Variants in HDAC9 observed in about 807,000 individuals in gnomAD.
The protein encoded by HDAC9 is MEF-2 interacting transcription repressor (MITR) protein.
Under a neutral mutation model 139.4 loss-of-function variants are expected in HDAC9, and 41 were observed. The ratio of observed to expected loss-of-function variants is 0.29; its 90% CI spans 0.23 to 0.38. The LOEUF (loss-of-function observed/expected upper bound fraction) is 0.38, where lower values mean the gene tolerates loss of function less well. Among genes scored for constraint, HDAC9 ranks in the 10% least tolerant of loss-of-function variants. HDAC9 has a pLI of 1.00. For missense variants in HDAC9, 1,147 were observed against 1,297.0 expected, an observed-to-expected ratio of 0.88 and a Z score of 1.78; for synonymous variants, 517 against 476.2, an observed-to-expected ratio of 1.09 and a Z score of -1.12.
intron 2 of HDAC9, among the ~76,000 whole-genome samples, chr7:18,246,547 A>G (rs1365299414): frequency 6.6e-6 from 1 of 151,960 alleles, no homozygotes; most frequent in Non-Finnish European, 1.5e-5. Flanking sequence ...GGAAATTCCT[A>G]ATCTTCTTTC....
intron 1 of HDAC9, among the ~76,000 whole-genome samples, chr7:18,104,702 C>CT (rs1157734397): frequency 6.6e-6 from 1 of 152,088 alleles, no homozygotes; most frequent in Non-Finnish European, 1.5e-5. Context: ...CTGCTCTCTC[C>CT]TTGTCTCCTT....
intron 24 of HDAC9, among the ~76,000 whole-genome samples, chr7:18,967,517 A>G (rs1181149911): frequency 1.4e-5 from 2 of 140,338 alleles, no homozygotes; most frequent in African/African-American, 5.1e-5. Context: ...AAAAAAAAAA[A>G]AGCAGGGTGT....
chr7:18,740,078 G>A (rs893916099), intron 13 of HDAC9, among the ~76,000 whole-genome samples: 5 of 152,360 alleles, frequency 3.3e-5, no homozygotes, highest in African/African-American at 9.6e-5. Context: ...TGCCAAGCCA[G>A]GCACGGAAGA....
At chr7:18,341,251 C>T (rs1404219819) in intron 1 of HDAC9, among the ~76,000 whole-genome samples, 1 of 150,754 alleles carries the variant, frequency 6.6e-6, no homozygotes, top group Non-Finnish European at 1.5e-5. Flanking sequence ...TGCACACACA[C>T]ATGTGCCTGG....
At chr7:18,176,012 A>T (rs1386307192) in intron 2 of HDAC9, among the ~76,000 whole-genome samples, 1 of 152,154 alleles carries the variant, frequency 6.6e-6, no homozygotes, top group East Asian at 1.9e-4. Context: ...CTTCTTTGGA[A>T]TTCTGTGAGT....
At chr7:18,366,277 T>C (rs1585399962) in intron 1 of HDAC9, among the ~76,000 whole-genome samples, 1 of 151,938 alleles carries the variant, frequency 6.6e-6, no homozygotes, top group Non-Finnish European at 1.5e-5. Context: ...GAAGTGGAGG[T>C]TCTGTCACAA....
chr7:18,231,722 G>A (rs1793473814), intron 2 of HDAC9, among the ~76,000 whole-genome samples: 1 of 152,090 alleles, frequency 6.6e-6, no homozygotes, highest in African/African-American at 2.4e-5. Flanking sequence ...GCAGAAAATT[G>A]ATGCAGAAGG....
rs1425361004 is a variant in HDAC9 at position 18,996,692 on chromosome 7, G to T, written c.*630G>T. The T allele has an allele frequency of 6.6e-6, 1 of 152,170 alleles. No individual in the cohort carries two copies. The highest frequency in any genetic ancestry group is 1.5e-5 in the Non-Finnish European group (1 of 68,076). The allele number at this position is 152,170 out of a possible 1,614,324, so 9.4% of individuals were successfully genotyped here. A position where few individuals can be genotyped will look rare whatever the true frequency, so the allele number is the denominator to read the frequency against. ...ATGAGGCTTTTTTCAGTATCTCGAA[G>T]TCCAAATGCCAAAGGAACCTCACAC... On this transcript the variant is annotated 3_prime_UTR_variant, in exon 26 of 26. Transcript: ENST00000686413.
intron 2 of HDAC9, among the ~76,000 whole-genome samples, chr7:18,173,996 C>T (rs1293115068): frequency 6.6e-6 from 1 of 152,078 alleles, no homozygotes; most frequent in Non-Finnish European, 1.5e-5. Context: ...GTTGGCCTGT[C>T]TTGTTAGTTT....
rs549281993 is a variant in HDAC9 at position 18,878,530 on chromosome 7, C to G, written c.2803+3934C>G. On this transcript the variant is annotated intron_variant, in intron 22 of 25. Coordinates refer to ENST00000686413, the MANE Select transcript of HDAC9 (RefSeq NM_178425.4). ...GACAAGTAAATCAATAAATGTGATT[C>G]ATCACATAAACAGAGCTAAAGACAA... 8.5e-5 allele frequency among the ~76,000 whole-genome samples: 13 copies of G among 152,250 alleles called. No individual in the cohort carries two copies. In the East Asian group the frequency reaches 2.5e-3, roughly 29 times the overall value.
intron 1 of HDAC9, among the ~76,000 whole-genome samples, chr7:18,481,779 G>A (rs1795568600): frequency 6.6e-6 from 1 of 152,158 alleles, no homozygotes; most frequent in South Asian, 2.1e-4. Context: ...TGGATCTAGT[G>A]TATACCTTTA....
chr7:18,669,147 C>T (rs1328919915), intron 12 of HDAC9, among the ~76,000 whole-genome samples: 1 of 151,614 alleles, frequency 6.6e-6, no homozygotes, highest in African/African-American at 2.4e-5. Context: ...AAAATGTCAA[C>T]TTCTAAATAT....
At chr7:18,314,367 C>CAGGAA in intron 1 of HDAC9, among the ~76,000 whole-genome samples, 1 of 152,198 alleles carries the variant, frequency 6.6e-6, no homozygotes, top group Non-Finnish European at 1.5e-5. Flanking sequence ...TGAAAAATCC[C>CAGGAA]AAGACAGAAA....
At chr7:18,111,857 A>C (rs1440631472) in intron 1 of HDAC9, among the ~76,000 whole-genome samples, 1 of 152,222 alleles carries the variant, frequency 6.6e-6, no homozygotes, top group African/African-American at 2.4e-5. Context: ...CTGCAGTTCC[A>C]TGCTGGCTCT....
At chr7:18,161,684 A>G (rs1029443430) in intron 1 of HDAC9, among the ~76,000 whole-genome samples, 1 of 152,196 alleles carries the variant, frequency 6.6e-6, no homozygotes, top group Non-Finnish European at 1.5e-5. Flanking sequence ...TTGGGCTGGA[A>G]CAAGATTACA....
At chr7:18,536,947 G>C (rs1351090046) in intron 2 of HDAC9, among the ~76,000 whole-genome samples, 1 of 152,154 alleles carries the variant, frequency 6.6e-6, no homozygotes, top group Non-Finnish European at 1.5e-5. Flanking sequence ...GTGTATATCT[G>C]TGTGTGCTTT....
intron 1 of HDAC9, among the ~76,000 whole-genome samples, chr7:18,369,413 G>T (rs1040828694): frequency 2.0e-5 from 3 of 151,964 alleles, no homozygotes; most frequent in Non-Finnish European, 4.4e-5. Flanking sequence ...AACCAAGAGA[G>T]TTATATTGCA....
At chr7:18,594,052 C>T in intron 6 of HDAC9, 23 bp downstream of exon 6, 1 of 1,611,074 alleles carries the variant, frequency 6.2e-7, no homozygotes, top group Non-Finnish European at 8.5e-7. Flanking sequence ...AACAGGAACT[C>T]TGTTTGCTCT....
At chr7:18,918,669 C>G (rs146868597) in intron 22 of HDAC9, among the ~76,000 whole-genome samples, 8 of 152,154 alleles carry the variant, frequency 5.3e-5, no homozygotes, top group Middle Eastern at 3.4e-3. Context: ...ATTCATAACA[C>G]AGTTTGACCG....
Sources: gnomAD v4.1 joint callset for allele counts (sites outside exome capture counted in the v4.1 genomes callset) on GRCh38, gnomAD v4.1.1 for gene constraint, MANE v1.5 for transcripts, NCBI Gene and HGNC (gene_info 2026-07-23, HGNC 2026-07-21) for gene names.